Variants in MPPED2 observed in about 807,000 individuals in gnomAD.
The protein encoded by MPPED2 is metallophosphoesterase domain containing 2, also known as metallophosphoesterase MPPED2.
Under a neutral mutation model 33.0 loss-of-function variants are expected in MPPED2, and 5 were observed. That is an observed-to-expected ratio of 0.15 (90% CI 0.08 to 0.32). The LOEUF (loss-of-function observed/expected upper bound fraction) is 0.32. MPPED2 is among the 10% of genes least tolerant of loss of function. The pLI, the probability that MPPED2 is intolerant of heterozygous loss-of-function variation, is 1.00. For synonymous variants in MPPED2, 136 were observed against 141.9 expected (o/e 0.96, Z 0.29); for missense variants, 275 against 372.1 (o/e 0.74, Z 2.15).
At chr11:30,488,157 C>T (rs74822374) in intron 4 of MPPED2, among the ~76,000 whole-genome samples, 22 of 152,260 alleles carry the variant, frequency 1.4e-4, no homozygotes, top group African/African-American at 3.9e-4. Flanking sequence ...CAATAATGAA[C>T]AGCAGTTGAC....
Position 30,411,618 on chromosome 11 carries a change from T to C in MPPED2, c.767-32A>G, listed in dbSNP as rs781425711. 3.1e-6 allele frequency: 5 copies of C among 1,592,978 alleles called. No individual in the cohort carries two copies. In the South Asian group the frequency reaches 5.7e-5, roughly 18 times the overall value. ...GGAGAGCGTGTCACATTTACTGTAA[T>C]ATATACAAATGAGAGTGATGGAATG... On this transcript the variant is annotated intron_variant, in intron 6 of 6. Coordinates refer to ENST00000358117, the MANE Select transcript of MPPED2 (RefSeq NM_001584.3).
chr11:30,461,973 T>C (rs975282016), intron 4 of MPPED2, among the ~76,000 whole-genome samples: 1 of 152,218 alleles, frequency 6.6e-6, no homozygotes, highest in African/African-American at 2.4e-5. Context: ...GATCAACTTA[T>C]CAATTGTAAG....
intron 4 of MPPED2, among the ~76,000 whole-genome samples, chr11:30,469,507 A>G (rs571150916): frequency 1.3e-5 from 2 of 152,324 alleles, no homozygotes; most frequent in South Asian, 4.1e-4. Flanking sequence ...GCAGCAGCAT[A>G]GCAGAAAGAG....
chr11:30,486,966 A>G (rs952166275), intron 4 of MPPED2, among the ~76,000 whole-genome samples: 1 of 152,184 alleles, frequency 6.6e-6, no homozygotes, highest in African/African-American at 2.4e-5. Context: ...TCAGTTCACC[A>G]GCCAGAGACA....
chr11:30,541,434 T>C (rs966997237), intron 2 of MPPED2, among the ~76,000 whole-genome samples: 28 of 152,214 alleles, frequency 1.8e-4, no homozygotes, highest in African/African-American at 6.8e-4. Context: ...ATTTCTTCTT[T>C]AGACCATGTG....
chr11:30,584,110 C>T (rs1012530847), intron 1 of MPPED2: 1 of 152,114 alleles, frequency 6.6e-6, no homozygotes, highest in Non-Finnish European at 1.5e-5. Context: ...AGCGCCCTCC[C>T]TCCCACCGCA....
In MPPED2 at chr11:30,479,092, C is replaced by T. The variant is rs1019285188; in HGVS notation, c.536+16204G>A. Among the ~76,000 whole-genome samples the T allele has an allele frequency of 9.2e-5, 14 of 152,188 alleles. No individual in the cohort carries two copies. The East Asian group carries it at 2.5e-3, about 27-fold the overall frequency. The stretch of plus-strand genomic sequence containing the variant: ...CAGAGGGCCTGGACAAGAAGCCTCC[C>T]TGGTCTTCTTATCCTAAACTAGGCT... On this transcript the variant is annotated intron_variant, in intron 4 of 6. Coordinates refer to ENST00000358117, the MANE Select transcript of MPPED2 (RefSeq NM_001584.3).
At chr11:30,491,318 G>C (rs1054113683) in intron 4 of MPPED2, among the ~76,000 whole-genome samples, 1 of 152,214 alleles carries the variant, frequency 6.6e-6, no homozygotes, top group Admixed American at 6.5e-5. Flanking sequence ...GCATATGAGA[G>C]AAACAAGGGC....
intron 2 of MPPED2, among the ~76,000 whole-genome samples, chr11:30,576,395 G>A (rs1408278116): frequency 6.6e-6 from 1 of 152,140 alleles, no homozygotes; most frequent in South Asian, 2.1e-4. Flanking sequence ...AAGGAAAGTG[G>A]CTAAAACTGA....
intron 4 of MPPED2, among the ~76,000 whole-genome samples, chr11:30,435,427 A>G (rs1202975193): frequency 1.3e-5 from 2 of 152,250 alleles, no homozygotes; most frequent in East Asian, 3.8e-4. Context: ...TCCCTGAAAC[A>G]GAAAACTCTG....
At chr11:30,427,551 T>C (rs1048351322) in intron 4 of MPPED2, among the ~76,000 whole-genome samples, 1 of 152,232 alleles carries the variant, frequency 6.6e-6, no homozygotes, top group Non-Finnish European at 1.5e-5. Flanking sequence ...TCTGGCTCAC[T>C]ACTGTGTCCC....
intron 4 of MPPED2, among the ~76,000 whole-genome samples, chr11:30,489,253 CA>C (rs1466246308): frequency 1.3e-5 from 2 of 152,148 alleles, no homozygotes; most frequent in Non-Finnish European, 2.9e-5. Context: ...TGATGCATTA[CA>C]AAACTTATAA....
chr11:30,447,967 G>T (rs1949887288), intron 4 of MPPED2, among the ~76,000 whole-genome samples: 2 of 152,066 alleles, frequency 1.3e-5, no homozygotes, highest in Admixed American at 1.3e-4. Flanking sequence ...TTACACCAAG[G>T]ACACACAATT....
chr11:30,405,625 A>G (rs79820452), downstream of MPPED2, among the ~76,000 whole-genome samples: 337 of 152,306 alleles, frequency 2.2e-3, 2 homozygotes, highest in African/African-American at 7.7e-3. Flanking sequence ...CAGATAGTTC[A>G]GAGAGAGAGA....
At chr11:30,449,182 G>GAGAA (rs1949943278) in intron 4 of MPPED2, among the ~76,000 whole-genome samples, 1 of 95,924 alleles carries the variant, frequency 1.0e-5, no homozygotes, top group Non-Finnish European at 2.0e-5. Flanking sequence ...TAAATGTTAA[G>GAGAA]AGAATGAATG....
At chr11:30,496,151 A>T (rs1952240357) in intron 3 of MPPED2, among the ~76,000 whole-genome samples, 1 of 152,222 alleles carries the variant, frequency 6.6e-6, no homozygotes, top group Admixed American at 6.5e-5. Flanking sequence ...GAAACTGTAA[A>T]GTTTAACCCT....
chr11:30,553,471 G>A (rs1235972326), intron 2 of MPPED2, among the ~76,000 whole-genome samples: 2 of 152,172 alleles, frequency 1.3e-5, no homozygotes, highest in African/African-American at 2.4e-5. Flanking sequence ...CTTCTAAGTT[G>A]CATTTGCATT....
exon 7 of MPPED2, chr11:30,387,197 C>T (rs1357528448): frequency 6.4e-6 from 1 of 157,134 alleles, no homozygotes; most frequent in South Asian, 2.1e-4. Flanking sequence ...ACAGGGACCT[C>T]TGCTGTCAAC....
intron 2 of MPPED2, among the ~76,000 whole-genome samples, chr11:30,558,141 C>G (rs1956070769): frequency 6.6e-6 from 1 of 152,126 alleles, no homozygotes; most frequent in African/African-American, 2.4e-5. Flanking sequence ...CATATACACA[C>G]ACACACGTAT....
Sources: gnomAD v4.1 joint callset for allele counts (sites outside exome capture counted in the v4.1 genomes callset) on GRCh38, gnomAD v4.1.1 for gene constraint, MANE v1.5 for transcripts, NCBI Gene and HGNC (gene_info 2026-07-23, HGNC 2026-07-21) for gene names.